KCNG3: variants seen among roughly 807,000 people sequenced by gnomAD.
KCNG3 encodes the protein potassium voltage-gated channel modifier subfamily G member 3.
Under a neutral mutation model 29.0 loss-of-function variants are expected in KCNG3, and 15 were observed. That is an observed-to-expected ratio of 0.52 (90% CI 0.35 to 0.80). The LOEUF (loss-of-function observed/expected upper bound fraction) is 0.80. Among genes scored for constraint, KCNG3 ranks in the 30% least tolerant of loss-of-function variants. The pLI is 0.01. For missense variants in KCNG3, 512 were observed against 605.7 expected, an observed-to-expected ratio of 0.85 and a Z score of 1.62; for synonymous variants, 322 against 248.9, an observed-to-expected ratio of 1.29 and a Z score of -2.76.
At chr2:42,450,304 C>A (rs1166834081) in intron 1 of KCNG3, among the ~76,000 whole-genome samples, 1 of 152,110 alleles carries the variant, frequency 6.6e-6, no homozygotes, top group African/African-American at 2.4e-5. Flanking sequence ...AATTGCACAC[C>A]AAAGGGATGA....
the KCNG3 span, among the ~76,000 whole-genome samples, chr2:42,399,632 G>C: frequency 0.13 from 19,787 of 152,128 alleles, 1,457 homozygotes; most frequent in South Asian, 0.26. Context: ...AGACTCCTCA[G>C]TCACATCAAG....
chr2:42,437,766 C>A (rs903843298), downstream of KCNG3, among the ~76,000 whole-genome samples: 1 of 151,728 alleles, frequency 6.6e-6, no homozygotes, highest in African/African-American at 2.4e-5. Context: ...GGCAAAACCC[C>A]ATCTCTACTA....
chr2:42,449,194 C>T lies in KCNG3; in HGVS notation c.666-4615G>A, dbSNP rs555975516. On this transcript the variant is annotated intron_variant, in intron 1 of 1. Transcript: ENST00000306078. ...TCAATTGTGTTCTTCCTTTTCAAGACTGTCCTGGTTATTCGTAAGCACTTG... is the reference window on the plus strand; with the variant it reads ...TCAATTGTGTTCTTCCTTTTCAAGATTGTCCTGGTTATTCGTAAGCACTTG... 2.4e-4 allele frequency among the ~76,000 whole-genome samples: 37 copies of T among 152,128 alleles called. 1 individual carries two copies. Among genetic ancestry groups the T allele is most frequent in the African/African-American group, 8.9e-4 (37 of 41,502 alleles).
chr2:42,485,940 T>C (rs1673708987), intron 1 of KCNG3, among the ~76,000 whole-genome samples: 1 of 152,192 alleles, frequency 6.6e-6, no homozygotes, highest in African/African-American at 2.4e-5. Flanking sequence ...TTACTAGAAC[T>C]GTTTATCAAG....
the KCNG3 span, among the ~76,000 whole-genome samples, chr2:42,394,720 T>C: frequency 2.6e-5 from 4 of 152,240 alleles, no homozygotes; most frequent in African/African-American, 9.6e-5. Context: ...AACATTCATC[T>C]TACATATGAT....
intron 1 of KCNG3, among the ~76,000 whole-genome samples, chr2:42,466,017 ATT>A (rs962641458): frequency 6.6e-6 from 1 of 152,246 alleles, no homozygotes; most frequent in Non-Finnish European, 1.5e-5. Context: ...ACATAATGAC[ATT>A]TCTGTCAACA....
the KCNG3 span, among the ~76,000 whole-genome samples, chr2:42,394,885 G>A: frequency 1.3e-5 from 2 of 152,104 alleles, no homozygotes; most frequent in South Asian, 4.1e-4. Flanking sequence ...CAGATATCTG[G>A]GGTTCACACT....
chr2:42,464,644 G>C (rs1318395973), intron 1 of KCNG3, among the ~76,000 whole-genome samples: 1 of 152,120 alleles, frequency 6.6e-6, no homozygotes, highest in Non-Finnish European at 1.5e-5. Flanking sequence ...AAGTAACACA[G>C]TCCCCAGTCT....
chr2:42,437,564 G>T (rs529607635), downstream of KCNG3, among the ~76,000 whole-genome samples: 2 of 152,146 alleles, frequency 1.3e-5, no homozygotes, highest in African/African-American at 2.4e-5. Context: ...TTACTTCAGA[G>T]TGTATAGTAT....
rs776251042 is a variant in KCNG3 at position 42,444,186 on chromosome 2, G to C, written c.1059C>G (p.Ser353=). 1 of 1,614,112 alleles carries C rather than the reference G, an allele frequency of 6.2e-7. No individual in the cohort carries two copies. Among genetic ancestry groups the C allele is most frequent in the Non-Finnish European group, 8.5e-7 (1 of 1,180,032 alleles). ...LLEHGLDLET[S]NKDFTSIPAA... is the part of the protein sequence containing the mutation. ...CAGGAATGCTGGTAAAGTCCTTGTT[G>C]GATGTTTCCAGGTCCAGCCCATGTT... The change falls in exon 2 of 2, where the codon TCC becomes TCG. Residue 353 remains serine (S), a synonymous_variant. Transcript: ENST00000306078. The surrounding 1 kb of genome is among the most constrained non-coding windows in gnomAD (Gnocchi z 5.8).
At chr2:42,399,254 G>T in the KCNG3 span, among the ~76,000 whole-genome samples, 5 of 151,772 alleles carry the variant, frequency 3.3e-5, no homozygotes, top group Non-Finnish European at 7.4e-5. Context: ...ACAGGATCTT[G>T]CCCCGTTGGC....
At chr2:42,409,640 T>G in the KCNG3 span, among the ~76,000 whole-genome samples, 18 of 143,188 alleles carry the variant, frequency 1.3e-4, no homozygotes, top group African/African-American at 4.2e-4. Context: ...GGAGGCAGAG[T>G]TTGCAGTGAG....
intron 1 of KCNG3, among the ~76,000 whole-genome samples, chr2:42,445,559 T>C (rs915493358): frequency 1.3e-5 from 2 of 152,198 alleles, no homozygotes; most frequent in African/African-American, 4.8e-5. Context: ...AAATGGCCGC[T>C]AGGATTTTCC....
At chr2:42,428,974 C>A in the KCNG3 span, among the ~76,000 whole-genome samples, 7 of 152,040 alleles carry the variant, frequency 4.6e-5, no homozygotes, top group Admixed American at 4.6e-4. Context: ...CAAAAATCAA[C>A]CAGGTGTAGT....
At chr2:42,428,311 T>A in the KCNG3 span, among the ~76,000 whole-genome samples, 5 of 151,544 alleles carry the variant, frequency 3.3e-5, no homozygotes, top group African/African-American at 4.8e-5. Context: ...AATACAAAAA[T>A]TAGCCAGACA....
At chr2:42,424,404 G>C in the KCNG3 span, among the ~76,000 whole-genome samples, 1 of 148,782 alleles carries the variant, frequency 6.7e-6, no homozygotes, top group Non-Finnish European at 1.5e-5. Flanking sequence ...GGGGGTTCGG[G>C]ATAGACTATG....
At chr2:42,435,460 C>A in the KCNG3 span, among the ~76,000 whole-genome samples, 1 of 152,116 alleles carries the variant, frequency 6.6e-6, no homozygotes, top group Non-Finnish European at 1.5e-5. Flanking sequence ...GCAAATGATA[C>A]ATACCACTAA....
chr2:42,475,747 GAAT>G (rs1379837761), intron 1 of KCNG3, among the ~76,000 whole-genome samples: 1 of 151,654 alleles, frequency 6.6e-6, no homozygotes, highest in Admixed American at 6.6e-5. Context: ...ATCAAAACAT[GAAT>G]ATTACAAAAT....
the KCNG3 span, among the ~76,000 whole-genome samples, chr2:42,390,372 ATGATCTATTC>A: frequency 6.6e-5 from 10 of 152,212 alleles, no homozygotes; most frequent in African/African-American, 2.4e-4. Context: ...ATCCCAGGGA[ATGATCTATTC>A]TGAGCCATCC....
Sources: gnomAD v4.1 joint callset for allele counts (sites outside exome capture counted in the v4.1 genomes callset) on GRCh38, gnomAD v4.1.1 for gene constraint, Gnocchi (gnomAD v3.1) non-coding constraint, MANE v1.5 for transcripts, NCBI Gene and HGNC (gene_info 2026-07-23, HGNC 2026-07-21) for gene names.